Variants in PTPRG observed in about 807,000 individuals in gnomAD.
PTPRG encodes receptor-type tyrosine-protein phosphatase gamma.
PTPRG carries 102 observed loss-of-function variants against 165.3 expected under a neutral mutation model. The ratio of observed to expected loss-of-function variants is 0.62; its 90% confidence interval spans 0.53 to 0.73. The LOEUF (loss-of-function observed/expected upper bound fraction) is 0.73. PTPRG is among the 30% of genes least tolerant of loss of function. PTPRG has a pLI of 0.00. For synonymous variants in PTPRG, 675 were observed against 669.5 expected, an observed-to-expected ratio of 1.01 and a Z score of -0.13; for missense variants, 1,866 against 1,861.4, an observed-to-expected ratio of 1.00 and a Z score of -0.05.
chr3:62,057,800 G>T (rs932728242), intron 4 of PTPRG, among the ~76,000 whole-genome samples: 1 of 152,142 alleles, frequency 6.6e-6, no homozygotes, highest in African/African-American at 2.4e-5. Context: ...CTAATGTGCT[G>T]TTTAAGACTC....
chr3:61,992,562 C>G (rs150717539), intron 3 of PTPRG, among the ~76,000 whole-genome samples: 1 of 151,766 alleles, frequency 6.6e-6, no homozygotes, highest in East Asian at 2.0e-4. Context: ...TCTTGTCACC[C>G]AGGCCGCAGT....
chr3:61,685,182 A>T (rs1270979373), intron 1 of PTPRG, among the ~76,000 whole-genome samples: 1 of 152,232 alleles, frequency 6.6e-6, no homozygotes, highest in East Asian at 1.9e-4. Flanking sequence ...TGCACTTACT[A>T]TGTTGAGAAT....
intron 5 of PTPRG, among the ~76,000 whole-genome samples, chr3:62,109,056 C>A (rs1702575273): frequency 1.3e-5 from 2 of 151,948 alleles, no homozygotes; most frequent in African/African-American, 4.8e-5. Flanking sequence ...TAATTAGATC[C>A]CATTTGTCAA....
intron 3 of PTPRG, among the ~76,000 whole-genome samples, chr3:61,995,823 G>A (rs1311092026): frequency 2.7e-5 from 4 of 150,852 alleles, no homozygotes; most frequent in African/African-American, 7.3e-5. Context: ...AAGCTGGAGT[G>A]CAGTGGTGCA....
At chr3:61,706,737 G>A (rs960035010) in intron 1 of PTPRG, among the ~76,000 whole-genome samples, 3 of 151,960 alleles carry the variant, frequency 2.0e-5, no homozygotes, top group Non-Finnish European at 2.9e-5. Flanking sequence ...TGATCCACCC[G>A]CCTCAGCCTC....
intron 2 of PTPRG, among the ~76,000 whole-genome samples, chr3:61,808,501 A>G (rs2035480512): frequency 6.6e-6 from 1 of 152,148 alleles, no homozygotes. Context: ...GAAGTTATCA[A>G]CCTCATCATA....
intron 15 of PTPRG, among the ~76,000 whole-genome samples, chr3:62,246,319 A>C (rs1489984818): frequency 1.3e-5 from 2 of 152,206 alleles, no homozygotes; most frequent in Non-Finnish European, 2.9e-5. Flanking sequence ...TCAGGTCTTC[A>C]TAGCTAACAT....
intron 1 of PTPRG, chr3:61,742,491 G>C: frequency 1.9e-6 from 3 of 1,591,160 alleles, no homozygotes; most frequent in Non-Finnish European, 2.5e-6. Flanking sequence ...TGGTGCTCTC[G>C]ATATATAAGG....
chr3:61,738,230 C>T (rs2032798581), intron 1 of PTPRG, among the ~76,000 whole-genome samples: 1 of 144,186 alleles, frequency 6.9e-6, no homozygotes, highest in Admixed American at 7.0e-5. Context: ...TACCCAACCA[C>T]ATTTAAATAG....
At chr3:61,833,594 A>G (rs149522157) in intron 2 of PTPRG, among the ~76,000 whole-genome samples, 37 of 151,702 alleles carry the variant, frequency 2.4e-4, no homozygotes, top group African/African-American at 8.2e-4. Context: ...GACAAGTCTC[A>G]CTCTGTCGCC....
chr3:61,893,157 G>A (rs1397222622), intron 2 of PTPRG, among the ~76,000 whole-genome samples: 2 of 152,168 alleles, frequency 1.3e-5, no homozygotes, highest in Non-Finnish European at 2.9e-5. Flanking sequence ...TAATTGGAGT[G>A]CTCTCAGTAC....
At chr3:61,990,047 AG>A (rs1278703483) in intron 3 of PTPRG, among the ~76,000 whole-genome samples, 1 of 152,054 alleles carries the variant, frequency 6.6e-6, no homozygotes, top group Non-Finnish European at 1.5e-5. Flanking sequence ...ATCTAGACCT[AG>A]GGTAGTAGTG....
At position 62,293,380 on chromosome 3, in the gene PTPRG, G is replaced by C. The variant is rs1172202017; in HGVS notation, c.*73G>C. 1 of 1,333,378 alleles carries C rather than the reference G, an allele frequency of 7.5e-7. No homozygotes were observed. 82.6% of individuals were successfully genotyped at this position (1,333,378 alleles called of 1,614,324 possible). A position where few individuals can be genotyped will look rare whatever the true frequency, so the allele number is the denominator to read the frequency against. On this transcript the variant is annotated 3_prime_UTR_variant, in exon 30 of 30. Coordinates refer to ENST00000474889, the MANE Select transcript of PTPRG (RefSeq NM_002841.4). The stretch of plus-strand genomic sequence containing the variant: ...AACTTTTTTGAGGCCTTTTTTGCCA[G>C]ACTCTAGGTTATACAATAACCCAGT...
In PTPRG at chr3:61,561,583, G is replaced by C. The variant is rs1292610304; in HGVS notation, c.-705G>C. On this transcript the variant is annotated 5_prime_UTR_variant, in exon 1 of 30. Transcript: ENST00000474889. ...GATCCATGCTCACATGTTACTTCCT[G>C]TATGGAGGCATGGCCAGTTTCCAGC... The C allele has an allele frequency of 6.6e-6, 1 of 152,334 alleles. No individual in the cohort carries two copies. The highest frequency in any genetic ancestry group is 1.5e-5 in the Non-Finnish European group (1 of 68,240). The allele number at this position is 152,334 out of a possible 1,614,324, so 9.4% of individuals were successfully genotyped here. A position where few individuals can be genotyped will look rare whatever the true frequency, so the allele number is the denominator to read the frequency against.
chr3:61,611,714 C>T (rs1227147120), intron 1 of PTPRG, among the ~76,000 whole-genome samples: 2 of 152,108 alleles, frequency 1.3e-5, no homozygotes, highest in Admixed American at 1.3e-4. Context: ...ATACTCACTG[C>T]GTTGTAGTGC....
chr3:62,195,646 A>G lies in PTPRG; in HGVS notation c.1327+476A>G, dbSNP rs1245460093. 2.0e-5 allele frequency among the ~76,000 whole-genome samples: 3 copies of G among 152,172 alleles called. No homozygotes were observed. The highest frequency in any genetic ancestry group is 7.2e-5 in the African/African-American group (3 of 41,450). On this transcript the variant is annotated intron_variant, in intron 10 of 29. Transcript: ENST00000474889. This position sits in a 1 kb window ranked among gnomAD's most constrained non-coding sequence, Gnocchi z 4.4. Reference sequence around the variant, plus strand: ...ATCCTTGAGATTCCTGGATCTAGATAGATGGTCCTGATGACTTAGGGACTA... The same window carrying G: ...ATCCTTGAGATTCCTGGATCTAGATGGATGGTCCTGATGACTTAGGGACTA...
intron 2 of PTPRG, among the ~76,000 whole-genome samples, chr3:61,786,555 G>A (rs919646740): frequency 5.3e-5 from 8 of 152,158 alleles, no homozygotes; most frequent in African/African-American, 9.7e-5. Context: ...GAGAGTCAAC[G>A]TAGCGAAGAG....
intron 8 of PTPRG, among the ~76,000 whole-genome samples, chr3:62,186,831 T>C (rs562862090): frequency 2.0e-5 from 3 of 151,950 alleles, no homozygotes; most frequent in East Asian, 3.9e-4. Flanking sequence ...CCTCCCAAAG[T>C]GTTAGGATTA....
chr3:62,074,352 C>CTTTCTTTTTTTTTTTTTTTTTTT (rs1701310935), intron 4 of PTPRG, among the ~76,000 whole-genome samples: 1 of 109,114 alleles, frequency 9.2e-6, no homozygotes, highest in African/African-American at 3.8e-5. Flanking sequence ...TCTTTTCTTT[C>CTTTCTTTTTTTTTTTTTTTTTTT]TTTTTTTTTT....
Sources: gnomAD v4.1 joint callset for allele counts (sites outside exome capture counted in the v4.1 genomes callset) on GRCh38, gnomAD v4.1.1 for gene constraint, Gnocchi (gnomAD v3.1) non-coding constraint, MANE v1.5 for transcripts, NCBI Gene and HGNC (gene_info 2026-07-23, HGNC 2026-07-21) for gene names.